The following ADD3 variants were observed in gnomAD, a reference collection of about 807,000 sequenced individuals.
The protein encoded by ADD3 is adducin 3, also known as gamma-adducin.
ADD3 carries 25 observed loss-of-function variants against 80.2 expected under a neutral mutation model. The ratio of observed to expected loss-of-function variants is 0.31; its 90% CI spans 0.23 to 0.44. The LOEUF is 0.44. Among genes scored for constraint, ADD3 ranks in the 20% least tolerant of loss-of-function variants. ADD3 has a pLI of 1.00. For synonymous variants in ADD3, 284 were observed against 289.6 expected (o/e 0.98, Z 0.20); for missense variants, 829 against 847.5 (o/e 0.98, Z 0.27).
chr10:109,997,286 G>C (rs931004547), intron 1 of ADD3, among the ~76,000 whole-genome samples: 1 of 152,178 alleles, frequency 6.6e-6, no homozygotes, highest in Non-Finnish European at 1.5e-5. Context: ...TCAGCATGGG[G>C]TCAGCCCCTA....
At chr10:110,080,389 A>G (rs550333058) in intron 1 of ADD3, among the ~76,000 whole-genome samples, 1 of 152,322 alleles carries the variant, frequency 6.6e-6, no homozygotes, top group East Asian at 1.9e-4. Context: ...AAATTATATG[A>G]AGTTTCTCAT....
intron 8 of ADD3, among the ~76,000 whole-genome samples, chr10:110,121,146 A>G (rs1011644708): frequency 2.0e-5 from 3 of 152,130 alleles, no homozygotes; most frequent in Admixed American, 6.6e-5. Flanking sequence ...CAAAATTGAC[A>G]AATGGGATCT....
intron 1 of ADD3, among the ~76,000 whole-genome samples, chr10:110,036,546 A>C (rs544591400): frequency 6.6e-6 from 1 of 151,484 alleles, no homozygotes; most frequent in East Asian, 2.0e-4. Flanking sequence ...CGCCTGGCTA[A>C]TTTTTGTATT....
At chr10:110,102,266 C>A (rs1848902224) in intron 2 of ADD3, among the ~76,000 whole-genome samples, 2 of 151,928 alleles carry the variant, frequency 1.3e-5, no homozygotes, top group Non-Finnish European at 2.9e-5. Flanking sequence ...TTATTTAGAT[C>A]AAAAATAGAT....
At chr10:110,054,704 C>A (rs1437956538) in intron 1 of ADD3, among the ~76,000 whole-genome samples, 1 of 151,914 alleles carries the variant, frequency 6.6e-6, no homozygotes, top group Non-Finnish European at 1.5e-5. Context: ...GCTCTGCACC[C>A]CTGGGTTCAT....
chr10:110,043,730 G>A (rs1405197228), intron 1 of ADD3, among the ~76,000 whole-genome samples: 1 of 152,126 alleles, frequency 6.6e-6, no homozygotes, highest in Admixed American at 6.5e-5. Context: ...TAAACACTAT[G>A]GGGGATACAA....
chr10:110,075,435 C>G (rs529238505), intron 1 of ADD3, among the ~76,000 whole-genome samples: 1 of 152,108 alleles, frequency 6.6e-6, no homozygotes, highest in Admixed American at 6.5e-5. Context: ...TGATCTTGTG[C>G]ACATTCCTGA....
intron 1 of ADD3, among the ~76,000 whole-genome samples, chr10:110,058,088 T>C (rs866289006): frequency 6.8e-6 from 1 of 147,644 alleles, no homozygotes. Context: ...TTTAGTTATT[T>C]TCTCCTTTAT....
At chr10:110,109,384 G>A (rs540504546) in intron 2 of ADD3, among the ~76,000 whole-genome samples, 2 of 152,196 alleles carry the variant, frequency 1.3e-5, no homozygotes, top group Admixed American at 1.3e-4. Context: ...TCCTGGCTCT[G>A]TCTACCTTCC....
intron 2 of ADD3, among the ~76,000 whole-genome samples, chr10:110,108,792 T>C (rs1849668170): frequency 6.6e-6 from 1 of 152,136 alleles, no homozygotes; most frequent in African/African-American, 2.4e-5. Flanking sequence ...ATATTAAACC[T>C]TTTTTGCACT....
At chr10:110,090,764 C>T (rs959096069) in intron 1 of ADD3, among the ~76,000 whole-genome samples, 3 of 152,304 alleles carry the variant, frequency 2.0e-5, no homozygotes, top group Admixed American at 6.5e-5. Context: ...CTTAGTCAGA[C>T]ATCAACTTCC....
chr10:110,048,362 G>A (rs146961242), intron 1 of ADD3, among the ~76,000 whole-genome samples: 3 of 152,350 alleles, frequency 2.0e-5, no homozygotes, highest in African/African-American at 7.2e-5. Context: ...GGGTGCTGCT[G>A]TAAAGATGCC....
At chr10:110,064,176 C>A (rs545207391) in intron 1 of ADD3, among the ~76,000 whole-genome samples, 1 of 152,170 alleles carries the variant, frequency 6.6e-6, no homozygotes, top group African/African-American at 2.4e-5. Context: ...CAGTTTGCAT[C>A]TATTAAAAAT....
intron 1 of ADD3, among the ~76,000 whole-genome samples, chr10:110,033,453 G>C (rs186204875): frequency 6.6e-6 from 1 of 152,314 alleles, no homozygotes; most frequent in African/African-American, 2.4e-5. Context: ...GGCAGTCCCA[G>C]AATGCATCTT....
chr10:110,024,960 C>T (rs1046243639), intron 1 of ADD3, among the ~76,000 whole-genome samples: 2 of 151,280 alleles, frequency 1.3e-5, no homozygotes, highest in African/African-American at 2.4e-5. Context: ...CAGAGTCTCA[C>T]TCCATCACCC....
intron 1 of ADD3, among the ~76,000 whole-genome samples, chr10:110,095,458 T>G (rs1049660042): frequency 1.3e-5 from 2 of 152,164 alleles, no homozygotes; most frequent in Non-Finnish European, 2.9e-5. Flanking sequence ...ATAAATGGAG[T>G]CATACAATAT....
intron 1 of ADD3, among the ~76,000 whole-genome samples, chr10:109,998,177 T>A (rs1307675684): frequency 6.6e-6 from 1 of 152,184 alleles, no homozygotes; most frequent in East Asian, 1.9e-4. Flanking sequence ...AAGAGGGTAA[T>A]CTCAAACTTA....
chr10:110,004,131 G>A (rs1014268069), upstream of ADD3, among the ~76,000 whole-genome samples: 16 of 151,786 alleles, frequency 1.1e-4, no homozygotes, highest in Non-Finnish European at 2.2e-4. Context: ...AATACTACCT[G>A]GTAGATGAAA....
chr10:110,050,717 G>A (rs1857426940), intron 1 of ADD3, among the ~76,000 whole-genome samples: 1 of 151,954 alleles, frequency 6.6e-6, no homozygotes. Context: ...CACCATGTTG[G>A]CCAGGCTGGT....
Sources: gnomAD v4.1 joint callset for allele counts (sites outside exome capture counted in the v4.1 genomes callset) on GRCh38, gnomAD v4.1.1 for gene constraint, MANE v1.5 for transcripts, NCBI Gene and HGNC (gene_info 2026-07-23, HGNC 2026-07-21) for gene names.